ZRANB3: variants seen among roughly 807,000 people sequenced by gnomAD.
ZRANB3 encodes DNA annealing helicase and endonuclease ZRANB3.
ZRANB3 carries 125 observed loss-of-function variants against 133.8 expected under a neutral mutation model. The observed-to-expected ratio is 0.93, with a 90% confidence interval of 0.81 to 1.08. ZRANB3 has a LOEUF of 1.08. Ranked by LOEUF, ZRANB3 falls within the 50% of genes least tolerant of loss-of-function variation. The pLI, the probability that ZRANB3 is intolerant of heterozygous loss-of-function variation, is 0.00. For missense variants in ZRANB3, 1,229 were observed against 1,275.5 expected (o/e 0.96, Z 0.56); for synonymous variants, 387 against 432.7 (o/e 0.89, Z 1.31).
chr2:135,314,131 T>G (rs1683138824), intron 7 of ZRANB3, among the ~76,000 whole-genome samples: 1 of 152,184 alleles, frequency 6.6e-6, no homozygotes, highest in South Asian at 2.1e-4. Context: ...CCCAAAGTGC[T>G]GGGACTACAG....
intron 12 of ZRANB3, among the ~76,000 whole-genome samples, chr2:135,240,937 G>A (rs934868685): frequency 6.6e-6 from 1 of 152,140 alleles, no homozygotes; most frequent in Non-Finnish European, 1.5e-5. Context: ...TGCTGAAAAT[G>A]TTGTTCCTTG....
intron 15 of ZRANB3, among the ~76,000 whole-genome samples, chr2:135,221,483 C>A (rs925031906): frequency 1.3e-4 from 20 of 152,256 alleles, no homozygotes; most frequent in African/African-American, 4.8e-4. Flanking sequence ...TCCGTCTCCA[C>A]CCCAACGGGG....
At chr2:135,511,565 G>C (rs1693452922) in intron 1 of ZRANB3, 2 of 982,666 alleles carry the variant, frequency 2.0e-6, no homozygotes, top group Non-Finnish European at 3.3e-6. Context: ...ATATCATTGT[G>C]AACATAGAAC....
intron 2 of ZRANB3, among the ~76,000 whole-genome samples, chr2:135,393,731 G>C (rs957598052): frequency 6.6e-6 from 1 of 152,054 alleles, no homozygotes. Flanking sequence ...TCTTCTAAGT[G>C]TCCAGAAAGA....
At chr2:135,342,256 G>A (rs1302923386) in intron 6 of ZRANB3, among the ~76,000 whole-genome samples, 1 of 149,678 alleles carries the variant, frequency 6.7e-6, no homozygotes, top group Non-Finnish European at 1.5e-5. Flanking sequence ...GAAATATTGG[G>A]GGCCGGTTCC....
At chr2:135,297,330 T>C (rs974275655) in intron 8 of ZRANB3, among the ~76,000 whole-genome samples, 4 of 152,182 alleles carry the variant, frequency 2.6e-5, no homozygotes, top group Non-Finnish European at 5.9e-5. Flanking sequence ...CTCAGACTGC[T>C]GTGCTAGCAA....
At chr2:135,509,721 T>C (rs577280052) in intron 1 of ZRANB3, among the ~76,000 whole-genome samples, 3 of 152,320 alleles carry the variant, frequency 2.0e-5, no homozygotes, top group Admixed American at 2.0e-4. Flanking sequence ...AGTTGCATTC[T>C]AGACATTTAA....
intron 8 of ZRANB3, among the ~76,000 whole-genome samples, chr2:135,282,141 C>T (rs1271792910): frequency 6.6e-6 from 1 of 152,042 alleles, no homozygotes; most frequent in East Asian, 1.9e-4. Context: ...TCTAGCTCAC[C>T]TTATACTGTT....
chr2:135,336,367 G>C (rs754369990), intron 6 of ZRANB3, among the ~76,000 whole-genome samples: 1 of 152,164 alleles, frequency 6.6e-6, no homozygotes, highest in Non-Finnish European at 1.5e-5. Flanking sequence ...TATGGGTCTA[G>C]AACTGAATAA....
At chr2:135,294,916 T>G (rs1225350761) in intron 8 of ZRANB3, among the ~76,000 whole-genome samples, 1 of 152,190 alleles carries the variant, frequency 6.6e-6, no homozygotes, top group Non-Finnish European at 1.5e-5. Flanking sequence ...TTTGAGTGAG[T>G]TTCTTAATCC....
At chr2:135,438,018 C>G (rs1288761342) in intron 2 of ZRANB3, among the ~76,000 whole-genome samples, 1 of 152,108 alleles carries the variant, frequency 6.6e-6, no homozygotes, top group Non-Finnish European at 1.5e-5. Flanking sequence ...TGTTCTCCTC[C>G]TCTGGGACAT....
intron 3 of ZRANB3, among the ~76,000 whole-genome samples, chr2:135,361,443 T>C (rs1356129857): frequency 2.0e-5 from 3 of 152,368 alleles, no homozygotes; most frequent in South Asian, 2.1e-4. Flanking sequence ...TTTTATTCTA[T>C]GAAATTATTA....
chr2:135,426,224 A>C (rs1161326276), intron 2 of ZRANB3, among the ~76,000 whole-genome samples: 1 of 152,150 alleles, frequency 6.6e-6, no homozygotes, highest in Non-Finnish European at 1.5e-5. Context: ...GCCCTGGACC[A>C]GAAGAATTGA....
chr2:135,338,766 G>A (rs950344238), intron 6 of ZRANB3, among the ~76,000 whole-genome samples: 6 of 152,024 alleles, frequency 3.9e-5, no homozygotes, highest in East Asian at 1.9e-4. Context: ...TACTAAACAC[G>A]CAATTTCAAT....
intron 8 of ZRANB3, among the ~76,000 whole-genome samples, chr2:135,301,181 G>T: frequency 6.7e-6 from 1 of 149,466 alleles, no homozygotes. Flanking sequence ...CAATTAATAT[G>T]TTTATTTTTT....
At chr2:135,290,982 A>G (rs1468992727) in intron 8 of ZRANB3, among the ~76,000 whole-genome samples, 1 of 152,092 alleles carries the variant, frequency 6.6e-6, no homozygotes, top group African/African-American at 2.4e-5. Flanking sequence ...GGCTCACTGC[A>G]ACCTCTGCCT....
chr2:135,338,321 A>G (rs540928539), intron 6 of ZRANB3, among the ~76,000 whole-genome samples: 3 of 152,346 alleles, frequency 2.0e-5, no homozygotes, highest in Middle Eastern at 3.4e-3. Flanking sequence ...ACTCACTCCA[A>G]TGAGGAATAC....
At chr2:135,403,869 C>T (rs1432374409) in intron 2 of ZRANB3, among the ~76,000 whole-genome samples, 2 of 152,198 alleles carry the variant, frequency 1.3e-5, no homozygotes, top group South Asian at 2.1e-4. Context: ...CAGCAAACTC[C>T]AACAGACCTG....
chr2:135,469,573 C>T (rs943067577), intron 2 of ZRANB3, among the ~76,000 whole-genome samples: 4 of 152,110 alleles, frequency 2.6e-5, no homozygotes, highest in South Asian at 2.1e-4. Context: ...TTTTGAGAAC[C>T]GGGACAAACT....
Sources: gnomAD v4.1 joint callset for allele counts (sites outside exome capture counted in the v4.1 genomes callset) on GRCh38, gnomAD v4.1.1 for gene constraint, MANE v1.5 for transcripts, NCBI Gene and HGNC (gene_info 2026-07-23, HGNC 2026-07-21) for gene names.